The following ZFHX3 variants were observed in gnomAD, a reference collection of about 807,000 sequenced individuals.
ZFHX3 encodes the protein zinc finger homeobox 3.
A neutral mutation model predicts 279.1 loss-of-function variants in ZFHX3; 42 were observed. The observed-to-expected ratio is 0.15, with a 90% confidence interval of 0.12 to 0.19. ZFHX3 has a LOEUF of 0.19. ZFHX3 is among the 10% of genes least tolerant of loss of function. The probability of loss-of-function intolerance (pLI) is 1.00; values close to 1 mark genes in which losing one functional copy is unlikely to be tolerated. For missense variants in ZFHX3, 4,981 were observed against 4,754.0 expected, an observed-to-expected ratio of 1.05 and a Z score of -1.40; for synonymous variants, 2,293 against 1,957.8, an observed-to-expected ratio of 1.17 and a Z score of -4.52.
intron 1 of ZFHX3, among the ~76,000 whole-genome samples, chr16:73,703,213 A>T (rs1029144813): frequency 9.9e-5 from 15 of 151,982 alleles, no homozygotes; most frequent in Admixed American, 5.2e-4. Flanking sequence ...TTCGTTTAAG[A>T]TGTAATAAAT....
intron 3 of ZFHX3, among the ~76,000 whole-genome samples, chr16:72,924,293 T>C (rs1238005665): frequency 6.6e-6 from 1 of 152,216 alleles, no homozygotes; most frequent in African/African-American, 2.4e-5. Flanking sequence ...AGGGCAGCTC[T>C]GGGGCAACAC....
intron 2 of ZFHX3, among the ~76,000 whole-genome samples, chr16:73,507,349 A>G (rs1159460053): frequency 6.6e-6 from 1 of 152,198 alleles, no homozygotes; most frequent in Non-Finnish European, 1.5e-5. Flanking sequence ...TAAGTTCAAT[A>G]CAAAATACTT....
Position 73,442,732 on chromosome 16 carries a change from A to C in ZFHX3, c.-1291+13271T>G, listed in dbSNP as rs887912641. Among the ~76,000 whole-genome samples, 5 of 152,064 alleles carry C rather than the reference A, an allele frequency of 3.3e-5. No individual in the cohort carries two copies. The East Asian group carries it at 7.7e-4, about 24-fold the overall frequency. On this transcript the variant is annotated intron_variant, in intron 3 of 17. Transcript: ENST00000641206. ...CTCACAGCCTTAATTTTTTGCCAAA[A>C]GGGCCAGATTTGAATAAAGGGGAGC...
intron 4 of ZFHX3, among the ~76,000 whole-genome samples, chr16:73,279,383 A>G (rs2014401014): frequency 6.6e-6 from 1 of 152,176 alleles, no homozygotes; most frequent in African/African-American, 2.4e-5. Flanking sequence ...GTTTTATCAT[A>G]TATTAGGGAT....
intron 1 of ZFHX3, among the ~76,000 whole-genome samples, chr16:72,963,848 G>T (rs4788683): frequency 0.38 from 58,041 of 151,952 alleles, 11,402 homozygotes; most frequent in African/African-American, 0.43. Context: ...CCCGGAGAAT[G>T]AAACATGAAC....
At chr16:73,842,345 G>T (rs117360121) in intron 1 of ZFHX3, among the ~76,000 whole-genome samples, 1 of 152,118 alleles carries the variant, frequency 6.6e-6, no homozygotes, top group Non-Finnish European at 1.5e-5. Context: ...TAGGTGAGCT[G>T]CTGGTGCCTC....
chr16:73,682,930 GAAAGAA>G lies in ZFHX3; in HGVS notation c.-1607-2696_-1607-2691del, dbSNP rs1567550648. Among the ~76,000 whole-genome samples the G allele has an allele frequency of 6.9e-4, 22 of 31,794 alleles. 1 individual carries two copies. Among genetic ancestry groups the G allele is most frequent in the Admixed American group, 2.5e-3 (6 of 2,364 alleles). 20.9% of individuals were successfully genotyped at this position (31,794 alleles called of 152,430 possible). ...AGAGAAAGAAAGAGAGAAAGAGAAAGAAAGAAAGAAAGAAAGAAAGAAAGAAAGAAA... is the reference window on the plus strand; with the variant it reads ...AGAGAAAGAAAGAGAGAAAGAGAAAGAGAAAGAAAGAAAGAAAGAAAGAAA... On this transcript the variant is annotated intron_variant, in intron 1 of 17. Coordinates refer to the ZFHX3 transcript ENST00000641206.
In ZFHX3 at chr16:72,787,051, T is replaced by TC; in HGVS notation, c.*112_*113insG. 1.9e-6 allele frequency: 2 copies of TC among 1,035,922 alleles called. No individual in the cohort carries two copies. Among genetic ancestry groups the TC allele is most frequent in the East Asian group, 7.7e-5 (2 of 25,936 alleles). 64.2% of individuals were successfully genotyped at this position (1,035,922 alleles called of 1,614,324 possible). Reference sequence around the variant, plus strand: ...TTTTCTTTTTTTTCTTTTTTTTTTTTTTTTTGTTTTTTGGTTAGAAGCTTT... The same window carrying TC: ...TTTTCTTTTTTTTCTTTTTTTTTTTTCTTTTTGTTTTTTGGTTAGAAGCTTT... On this transcript the variant is annotated 3_prime_UTR_variant, in exon 10 of 10. Transcript: ENST00000268489.
intron 3 of ZFHX3, among the ~76,000 whole-genome samples, chr16:72,935,709 G>A (rs1960084556): frequency 6.6e-6 from 1 of 150,988 alleles, no homozygotes; most frequent in East Asian, 1.9e-4. Context: ...ACTCCAGCCT[G>A]GGCGACAGAG....
intron 2 of ZFHX3, among the ~76,000 whole-genome samples, chr16:73,512,198 G>T (rs527728763): frequency 6.7e-6 from 1 of 149,502 alleles, no homozygotes; most frequent in Non-Finnish European, 1.5e-5. Flanking sequence ...GGGGGACCAA[G>T]GTGGGTGGAT....
At chr16:73,222,553 G>C (rs1012953539) in intron 5 of ZFHX3, among the ~76,000 whole-genome samples, 26 of 152,056 alleles carry the variant, frequency 1.7e-4, no homozygotes, top group African/African-American at 6.3e-4. Context: ...ACAAAACTTT[G>C]ATGGAAGATC....
At chr16:73,508,861 G>GT (rs2019374613) in intron 2 of ZFHX3, among the ~76,000 whole-genome samples, 1 of 151,988 alleles carries the variant, frequency 6.6e-6, no homozygotes, top group Non-Finnish European at 1.5e-5. Flanking sequence ...TTCAACCAAC[G>GT]TAAGAACTGT....
intron 4 of ZFHX3, among the ~76,000 whole-genome samples, chr16:73,266,416 C>G (rs183242108): frequency 5.9e-5 from 9 of 152,262 alleles, no homozygotes; most frequent in African/African-American, 2.2e-4. Context: ...AACATCTATA[C>G]TTCCCTTTTG....
chr16:73,439,462 C>T lies in ZFHX3; in HGVS notation c.-1291+16541G>A, dbSNP rs542271207. On this transcript the variant is annotated intron_variant, in intron 3 of 17. Transcript: ENST00000641206. ...ATCCTCCAGCCCAGTGTATTTGGAC[C>T]TCTGCTTGTGCCAAAGAACAACTAA... 8.9e-4 allele frequency among the ~76,000 whole-genome samples: 135 copies of T among 152,062 alleles called. No individual in the cohort carries two copies. The Middle Eastern group carries it at 0.017, about 19-fold the overall frequency.
intron 1 of ZFHX3, among the ~76,000 whole-genome samples, chr16:73,803,070 G>T (rs1227711783): frequency 6.6e-6 from 1 of 152,124 alleles, no homozygotes; most frequent in Non-Finnish European, 1.5e-5. Flanking sequence ...CAAAGTGCTG[G>T]GATTACAGGC....
chr16:73,809,797 C>T (rs193020360), intron 1 of ZFHX3: 2 of 152,134 alleles, frequency 1.3e-5, no homozygotes, highest in South Asian at 2.1e-4. Context: ...ACAAAAAACT[C>T]CATTACCTAA....
chr16:73,520,550 T>A (rs1054396717), intron 2 of ZFHX3, among the ~76,000 whole-genome samples: 3 of 152,198 alleles, frequency 2.0e-5, no homozygotes, highest in Admixed American at 2.0e-4. Flanking sequence ...TGATGCACCT[T>A]CAAATTCTCC....
At chr16:73,678,299 T>G (rs560258941) in intron 2 of ZFHX3, among the ~76,000 whole-genome samples, 5 of 152,132 alleles carry the variant, frequency 3.3e-5, no homozygotes, top group Non-Finnish European at 7.4e-5. Flanking sequence ...TCAAGCCCTA[T>G]TGGTTATTGG....
chr16:73,652,977 A>G (rs900247656), intron 2 of ZFHX3, among the ~76,000 whole-genome samples: 2 of 152,170 alleles, frequency 1.3e-5, no homozygotes, highest in African/African-American at 4.8e-5. Flanking sequence ...AATGATGTTT[A>G]TAAAAGACAT....
Sources: gnomAD v4.1 joint callset for allele counts (sites outside exome capture counted in the v4.1 genomes callset) on GRCh38, gnomAD v4.1.1 for gene constraint, MANE v1.5 for transcripts, NCBI Gene and HGNC (gene_info 2026-07-23, HGNC 2026-07-21) for gene names.